The following VWA3B variants were observed in gnomAD, a reference collection of about 807,000 sequenced individuals.
VWA3B encodes the protein von Willebrand factor A domain-containing protein 3B.
Under a neutral mutation model 158.3 loss-of-function variants are expected in VWA3B, and 138 were observed. That is an observed-to-expected ratio of 0.87 (90% confidence interval 0.76 to 1.00). The LOEUF (loss-of-function observed/expected upper bound fraction) is 1.00. VWA3B is among the 50% of genes least tolerant of loss of function. The pLI is 0.00. For missense variants in VWA3B, 1,555 were observed against 1,565.1 expected (o/e 0.99, Z 0.11); for synonymous variants, 596 against 587.3 (o/e 1.01, Z -0.21).
chr2:98,166,497 C>G (rs1247028736), intron 8 of VWA3B, among the ~76,000 whole-genome samples: 1 of 152,182 alleles, frequency 6.6e-6, no homozygotes. Context: ...GTGTGCAGCA[C>G]AGAGAGAAGG....
chr2:98,254,166 G>A (rs1686969500), intron 20 of VWA3B, among the ~76,000 whole-genome samples: 1 of 152,160 alleles, frequency 6.6e-6, no homozygotes, highest in Non-Finnish European at 1.5e-5. Flanking sequence ...ATCACTTTAT[G>A]TATGCATCTC....
At chr2:98,317,693 G>A (rs906797643), downstream of VWA3B, among the ~76,000 whole-genome samples, 1 of 152,080 alleles carries the variant, frequency 6.6e-6, no homozygotes, top group Non-Finnish European at 1.5e-5. Flanking sequence ...TTTCTGGAAC[G>A]AACCATTCTA....
intron 10 of VWA3B, among the ~76,000 whole-genome samples, chr2:98,189,402 C>T (rs1423223984): frequency 1.3e-5 from 2 of 152,268 alleles, no homozygotes; most frequent in East Asian, 3.9e-4. Flanking sequence ...TTGTTTACTT[C>T]CCAAATATTT....
chr2:98,248,678 T>C (rs1157808364), intron 19 of VWA3B, among the ~76,000 whole-genome samples: 1 of 152,120 alleles, frequency 6.6e-6, no homozygotes, highest in Non-Finnish European at 1.5e-5. Flanking sequence ...GGAGTTGAAC[T>C]CCCTCTGCCT....
intron 3 of VWA3B, among the ~76,000 whole-genome samples, chr2:98,116,184 C>T (rs1019254125): frequency 6.6e-6 from 1 of 152,324 alleles, no homozygotes; most frequent in Non-Finnish European, 1.5e-5. Flanking sequence ...ACGTCTCCTA[C>T]ATGCCAGGCC....
chr2:98,285,362 C>G lies in VWA3B; in HGVS notation c.3046-5149C>G, dbSNP rs914146283. On this transcript the variant is annotated intron_variant, in intron 22 of 27. Transcript: ENST00000477737. ...TTAATGGACATTTGAATTATTTCTA[C>G]TTTTTTATTATTATGAATAATGCTG... is the stretch of plus-strand genomic sequence containing the variant. 3.3e-5 allele frequency among the ~76,000 whole-genome samples: 5 copies of G among 152,120 alleles called. 1 individual carries two copies. The highest frequency in any genetic ancestry group is 6.8e-3 in the Middle Eastern group (2 of 294).
At chr2:98,204,018 T>G (rs1275791117) in intron 12 of VWA3B, among the ~76,000 whole-genome samples, 1 of 152,264 alleles carries the variant, frequency 6.6e-6, no homozygotes, top group African/African-American at 2.4e-5. Flanking sequence ...CTGGAGATTA[T>G]TTAAAGTATA....
At chr2:98,153,930 C>T (rs1677846030) in intron 7 of VWA3B, among the ~76,000 whole-genome samples, 1 of 152,174 alleles carries the variant, frequency 6.6e-6, no homozygotes, top group Non-Finnish European at 1.5e-5. Context: ...GGCGCAATCT[C>T]GGCTCACTGC....
chr2:98,315,505 A>G (rs117684847), downstream of VWA3B, among the ~76,000 whole-genome samples: 23 of 152,350 alleles, frequency 1.5e-4, no homozygotes, highest in East Asian at 4.4e-3. Flanking sequence ...TGTTCTTCAG[A>G]AGAAAGGGAA....
the VWA3B span, among the ~76,000 whole-genome samples, chr2:98,321,787 A>G: frequency 6.6e-6 from 1 of 152,186 alleles, no homozygotes; most frequent in African/African-American, 2.4e-5. Flanking sequence ...TTGGGAAAGC[A>G]TGATTGGTTT....
intron 12 of VWA3B, among the ~76,000 whole-genome samples, chr2:98,195,148 T>C (rs1681935295): frequency 6.6e-6 from 1 of 152,196 alleles, no homozygotes; most frequent in Admixed American, 6.5e-5. Flanking sequence ...GAGTTGTTCT[T>C]AAAAAGTCAA....
intron 9 of VWA3B, among the ~76,000 whole-genome samples, chr2:98,181,544 A>G (rs2105352710): frequency 6.6e-6 from 1 of 152,340 alleles, no homozygotes; most frequent in East Asian, 1.9e-4. Context: ...TTGAATGGAA[A>G]AGAGAAATTG....
chr2:98,211,260 T>C (rs1042118571), intron 12 of VWA3B, among the ~76,000 whole-genome samples: 1 of 152,228 alleles, frequency 6.6e-6, no homozygotes, highest in Non-Finnish European at 1.5e-5. Context: ...AGGGGGATGT[T>C]GAAGGAGGCT....
At chr2:98,275,886 G>A (rs191983501) in intron 22 of VWA3B, among the ~76,000 whole-genome samples, 2 of 152,338 alleles carry the variant, frequency 1.3e-5, no homozygotes, top group East Asian at 1.9e-4. Flanking sequence ...AGTATAAGAA[G>A]TGAAGACTTT....
chr2:98,165,290 A>G (rs2105261169), intron 8 of VWA3B, among the ~76,000 whole-genome samples: 1 of 152,352 alleles, frequency 6.6e-6, no homozygotes, highest in Non-Finnish European at 1.5e-5. Context: ...TGGCTTCAGT[A>G]ACTTGCCCAA....
rs541204479 is a variant in VWA3B at position 98,119,460 on chromosome 2, A to G, written c.292-53A>G. ...GTTCTCGGTGGCAGCACTGTGGTTC[A>G]AATGACTTATTTTGGTGTTGTTTTA... On this transcript the variant is annotated intron_variant, in intron 3 of 27. Transcript: ENST00000477737. 7.9e-5 allele frequency: 126 copies of G among 1,600,858 alleles called. No individual in the cohort carries two copies. The Middle Eastern group carries it at 1.5e-3, about 20-fold the overall frequency.
At chr2:98,140,195 G>A (rs965568843) in intron 7 of VWA3B, among the ~76,000 whole-genome samples, 20 of 152,294 alleles carry the variant, frequency 1.3e-4, no homozygotes, top group African/African-American at 4.1e-4. Context: ...GCGAAGGTCC[G>A]TGGCTTCATT....
chr2:98,200,158 A>C (rs998494562), intron 12 of VWA3B, among the ~76,000 whole-genome samples: 1 of 152,154 alleles, frequency 6.6e-6, no homozygotes, highest in Non-Finnish European at 1.5e-5. Flanking sequence ...TCTTTGGTGA[A>C]ATATCTGTTC....
At chr2:98,208,533 T>G (rs1451209780) in intron 12 of VWA3B, among the ~76,000 whole-genome samples, 2 of 152,200 alleles carry the variant, frequency 1.3e-5, no homozygotes, top group African/African-American at 2.4e-5. Flanking sequence ...CTTTGTATAC[T>G]TTTCTTAATA....
Sources: allele counts gnomAD v4.1 joint callset (sites outside exome capture counted in the v4.1 genomes callset), GRCh38; gene constraint gnomAD v4.1.1; transcripts MANE v1.5; gene names NCBI Gene and HGNC (gene_info 2026-07-23, HGNC 2026-07-21).